Variants in SBNO2 observed in about 807,000 individuals in gnomAD.
SBNO2 encodes the protein strawberry notch homolog 2.
In SBNO2, 89 loss-of-function variants were observed where a neutral mutation model predicts 146.3. That is an observed-to-expected ratio of 0.61 (90% CI 0.51 to 0.73). The LOEUF is 0.73. SBNO2 is among the 30% of genes least tolerant of loss of function. The probability of loss-of-function intolerance (pLI) is 0.00; values close to 1 mark genes in which losing one functional copy is unlikely to be tolerated. For synonymous variants in SBNO2, 1,147 were observed against 892.6 expected (o/e 1.29, Z -5.08); for missense variants, 2,092 against 2,003.7 (o/e 1.04, Z -0.84).
intron 24 of SBNO2, 26 bp downstream of exon 24, chr19:1,111,480 G>A: frequency 6.7e-7 from 1 of 1,495,546 alleles, no homozygotes; most frequent in Non-Finnish European, 9.1e-7. Flanking sequence ...GCCCCTCCCA[G>A]GAAGACCCCC....
intron 1 of SBNO2, among the ~76,000 whole-genome samples, chr19:1,159,160 G>C (rs2080320063): frequency 6.7e-6 from 1 of 150,190 alleles, no homozygotes; most frequent in Admixed American, 6.6e-5. Context: ...CCTCTACCTG[G>C]CGGGCGCACA....
At chr19:1,116,301 C>T (rs2079831407) in intron 16 of SBNO2, among the ~76,000 whole-genome samples, 198 bp from the exon 17 acceptor site, 1 of 151,796 alleles carries the variant, frequency 6.6e-6, no homozygotes, top group Admixed American at 6.6e-5. Context: ...CCTGGTGTCA[C>T]AGGGCCACCT....
intron 4 of SBNO2, among the ~76,000 whole-genome samples, chr19:1,132,489 C>A (rs1435442867): frequency 1.3e-5 from 2 of 152,226 alleles, no homozygotes; most frequent in Non-Finnish European, 2.9e-5. Flanking sequence ...TGCAGAATGC[C>A]CAGGTGGGCA....
chr19:1,162,560 CAGG>C (rs2080359317), intron 1 of SBNO2, among the ~76,000 whole-genome samples: 3 of 152,018 alleles, frequency 2.0e-5, no homozygotes, highest in Non-Finnish European at 4.4e-5. Context: ...CTGCCAGAGG[CAGG>C]AGGCTGACGC....
At chr19:1,139,688 G>A (rs999409778) in intron 4 of SBNO2, among the ~76,000 whole-genome samples, 5 of 151,948 alleles carry the variant, frequency 3.3e-5, no homozygotes, top group South Asian at 2.1e-4. Context: ...CCAGCTACTC[G>A]GGAGGCTGAG....
At chr19:1,153,279 C>A (rs568602673) in intron 2 of SBNO2, among the ~76,000 whole-genome samples, 5 of 150,942 alleles carry the variant, frequency 3.3e-5, no homozygotes, top group Non-Finnish European at 7.4e-5. Context: ...GCTCTGTCAC[C>A]CAGGCTGGAG....
chr19:1,163,909 T>C (rs1255265782), intron 1 of SBNO2, among the ~76,000 whole-genome samples: 4 of 152,118 alleles, frequency 2.6e-5, no homozygotes. Context: ...CACTGCAGCC[T>C]CACCGCCCCA....
rs759963957 is a variant in SBNO2, at chr19:1,116,878, C to A, written c.1753G>T (p.Val585Leu). The change falls in exon 16 of 32, where the codon GTG (valine) becomes TTG (leucine). Residue 585 changes from valine (V) to leucine (L), a missense_variant. Transcript: ENST00000361757. ...QSTGEARTRE[V>L]LGENDGHLNC... ...AGGTGCCCATCGTTCTCCCCCAGCA[C>A]CTCCCGCGTGCGCGCCTCGCCCGTG... 2 of 1,587,960 alleles carry A rather than the reference C, an allele frequency of 1.3e-6. No homozygotes were observed. The highest frequency in any genetic ancestry group is 1.7e-6 in the Non-Finnish European group (2 of 1,170,422).
chr19:1,120,128 C>A, intron 11 of SBNO2, 105 bp from the exon 12 acceptor site: 1 of 876,730 alleles, frequency 1.1e-6, no homozygotes, highest in Non-Finnish European at 1.8e-6. Flanking sequence ...GGGCAAACGC[C>A]TGTGCGGCTG....
At position 1,144,904 on chromosome 19, in the gene SBNO2, G is replaced by GAGACAGA. The variant is rs1568612858; in HGVS notation, c.279+2404_279+2405insTCTGTCT. 2.3e-3 allele frequency among the ~76,000 whole-genome samples: 235 copies of GAGACAGA among 103,960 alleles called. 1 individual carries two copies. The highest frequency in any genetic ancestry group is 0.013 in the African/African-American group (226 of 18,064). The allele number at this position is 103,960 out of a possible 152,430, so 68.2% of individuals were successfully genotyped here. ...GAGAGGGAGACAGAGAGACAGAGGC[G>GAGACAGA]GAGATGGAGACAGAGACAGAGAGAC... On this transcript the variant is annotated intron_variant, in intron 4 of 31. Transcript: ENST00000361757. This position sits in a 1 kb window ranked among gnomAD's most constrained non-coding sequence, Gnocchi z 4.1.
intron 1 of SBNO2, among the ~76,000 whole-genome samples, chr19:1,162,253 A>G (rs80061566): frequency 2.4e-5 from 3 of 124,006 alleles, no homozygotes; most frequent in Non-Finnish European, 5.1e-5. Flanking sequence ...AGGTCAGGAG[A>G]TCGAGACCAG....
In SBNO2 at chr19:1,167,507, C is replaced by T. The variant is rs560312808; in HGVS notation, c.-127+6665G>A. Among the ~76,000 whole-genome samples, 515 of 152,362 alleles carry T rather than the reference C, an allele frequency of 3.4e-3. 4 individuals are homozygous for T. Among genetic ancestry groups the T allele is most frequent in the African/African-American group, 0.012 (487 of 41,584 alleles). ...GGCTGAGGCCCCACTTCCCTGCTTT[C>T]GGGGAGCCACGTCCCCCATCACGCC... On this transcript the variant is annotated intron_variant, in intron 1 of 31. Coordinates refer to ENST00000361757, the MANE Select transcript of SBNO2 (RefSeq NM_014963.3).
At chr19:1,163,988 G>A (rs920797919) in intron 1 of SBNO2, among the ~76,000 whole-genome samples, 2 of 152,322 alleles carry the variant, frequency 1.3e-5, no homozygotes, top group African/African-American at 4.8e-5. Context: ...CCCTGAGGAC[G>A]GGGTCGGAAC....
intron 2 of SBNO2, among the ~76,000 whole-genome samples, chr19:1,153,670 T>G (rs2080262802): frequency 6.6e-6 from 1 of 152,064 alleles, no homozygotes; most frequent in African/African-American, 2.4e-5. Flanking sequence ...CCCGAGTAGC[T>G]GGGATTACAG....
intron 24 of SBNO2, among the ~76,000 whole-genome samples, 160 bp downstream of exon 24, chr19:1,111,346 G>A (rs985114457): frequency 6.6e-6 from 1 of 152,120 alleles, no homozygotes; most frequent in Non-Finnish European, 1.5e-5. Context: ...GCTGGGGGCC[G>A]CCTTGGCTCC....
rs551656286 is a variant in SBNO2, at chr19:1,163,873, C to A, written c.-126-9471G>T. 2.0e-5 allele frequency among the ~76,000 whole-genome samples: 3 copies of A among 152,330 alleles called. No homozygotes were observed. In the South Asian group the frequency reaches 6.2e-4, roughly 32 times the overall value. On this transcript the variant is annotated intron_variant, in intron 1 of 31. Coordinates refer to ENST00000361757, the MANE Select transcript of SBNO2 (RefSeq NM_014963.3). The stretch of plus-strand genomic sequence containing the variant: ...CCCGCCCCACGAGGAACGGCAGTGG[C>A]CCCGGTTGCCTGGAGGTGGAAGGGG...
chr19:1,109,350 T>C lies in SBNO2; in HGVS notation c.3290A>G (p.Asn1097Ser), dbSNP rs1029929911. ...RGQFFTVYKPNIGRQSQLEAL... is the reference protein window; with the variant it reads ...RGQFFTVYKPSIGRQSQLEAL... ...CTCCAGCTGGCTCTGCCGGCCGATG[T>C]TGGGCTTGTACACCGTGAAGAACTG... Residue 1097 changes from asparagine (N) to serine (S), a missense_variant, in exon 29 of 32, where the codon AAC (asparagine) becomes AGC (serine). Physicochemically the swap from Asn to Ser is conservative, Grantham distance 46 (BLOSUM62 1). Coordinates refer to ENST00000361757, the MANE Select transcript of SBNO2 (RefSeq NM_014963.3). This position sits in a 1 kb window ranked among gnomAD's most constrained non-coding sequence, Gnocchi z 4.2. 5 of 1,593,408 alleles carry C rather than the reference T, an allele frequency of 3.1e-6. No individual in the cohort carries two copies. Among genetic ancestry groups the C allele is most frequent in the East Asian group, 4.6e-5 (2 of 43,856 alleles).
At chr19:1,125,119 A>G (rs893499554) in intron 5 of SBNO2, among the ~76,000 whole-genome samples, 1 of 151,840 alleles carries the variant, frequency 6.6e-6, no homozygotes, top group Admixed American at 6.6e-5. Flanking sequence ...TTGGGAGGCC[A>G]AGGCCTCCCA....
chr19:1,155,825 G>A (rs1458823704), intron 1 of SBNO2, among the ~76,000 whole-genome samples: 1 of 152,156 alleles, frequency 6.6e-6, no homozygotes, highest in Non-Finnish European at 1.5e-5. Flanking sequence ...CCAGTGCTAG[G>A]GGGTGGCCCA....
Sources: gnomAD v4.1 joint callset for allele counts (sites outside exome capture counted in the v4.1 genomes callset) on GRCh38, gnomAD v4.1.1 for gene constraint, Gnocchi (gnomAD v3.1) non-coding constraint, MANE v1.5 for transcripts, NCBI Gene and HGNC (gene_info 2026-07-23, HGNC 2026-07-21) for gene names.